Variants in USP50 observed in about 807,000 individuals in gnomAD.
USP50 encodes the protein ubiquitin specific peptidase 50, also known as ubiquitin carboxyl-terminal hydrolase 50.
In USP50, 37 loss-of-function variants were observed where a neutral mutation model predicts 39.2. That is an observed-to-expected ratio of 0.94 (90% CI 0.73 to 1.24). USP50 has a LOEUF of 1.24. USP50 is among the 50% of genes most tolerant of loss of function. The pLI is 0.00. For synonymous variants in USP50, 139 were observed against 144.5 expected, an observed-to-expected ratio of 0.96 and a Z score of 0.27; for missense variants, 374 against 398.2, an observed-to-expected ratio of 0.94 and a Z score of 0.52.
chr15:50,533,763 G>A (rs1300728087), intron 5 of USP50, among the ~76,000 whole-genome samples: 3 of 152,196 alleles, frequency 2.0e-5, no homozygotes, highest in Admixed American at 2.0e-4. Flanking sequence ...TACTTTGGGA[G>A]GCCAAGGCAG....
At chr15:50,532,448 G>A (rs1474831801) in intron 5 of USP50, among the ~76,000 whole-genome samples, 2 of 152,058 alleles carry the variant, frequency 1.3e-5, no homozygotes, top group African/African-American at 4.8e-5. Flanking sequence ...TGTGAAGTTC[G>A]TAGTCTGGAG....
At chr15:50,523,442 G>A (rs2052866781) in intron 6 of USP50, among the ~76,000 whole-genome samples, 2 of 151,670 alleles carry the variant, frequency 1.3e-5, no homozygotes. Flanking sequence ...CAAAGCGCTG[G>A]GATTACAGGT....
intron 6 of USP50, among the ~76,000 whole-genome samples, chr15:50,529,371 G>C: frequency 6.8e-6 from 1 of 147,714 alleles, no homozygotes; most frequent in Admixed American, 6.9e-5. Context: ...AAAAAAAATT[G>C]GTGGCACATG....
At chr15:50,524,283 A>T (rs902427598) in intron 6 of USP50, among the ~76,000 whole-genome samples, 2 of 152,270 alleles carry the variant, frequency 1.3e-5, no homozygotes, top group African/African-American at 4.8e-5. Context: ...GAATTGCATC[A>T]AATGTAAAAG....
At chr15:50,495,992 C>G (rs1335914513), downstream of USP50, 3 of 1,613,882 alleles carry the variant, frequency 1.9e-6, no homozygotes, top group Non-Finnish European at 2.5e-6. Context: ...ATCTACAGTA[C>G]AGTGCCTCAC....
chr15:50,513,205 T>C (rs1024618242), intron 6 of USP50: 1 of 152,168 alleles, frequency 6.6e-6, no homozygotes, highest in African/African-American at 2.4e-5. Flanking sequence ...ACCTCACTCC[T>C]AAGTATATAC....
chr15:50,495,017 TAAA>T (rs34381291), intron 1 of USP50, among the ~76,000 whole-genome samples: 3 of 113,498 alleles, frequency 2.6e-5, no homozygotes, highest in Admixed American at 9.2e-5. Context: ...AGACTCTTTC[TAAA>T]AAAAAAAAAA....
At chr15:50,537,173 T>C (rs1379722345) in intron 5 of USP50, among the ~76,000 whole-genome samples, 1 of 150,594 alleles carries the variant, frequency 6.6e-6, no homozygotes, top group African/African-American at 2.4e-5. Context: ...GGAACAAAGG[T>C]AATACAATGG....
chr15:50,523,198 A>G (rs1266141516), intron 6 of USP50, among the ~76,000 whole-genome samples: 4 of 57,904 alleles, frequency 6.9e-5, no homozygotes, highest in Non-Finnish European at 1.4e-4. Flanking sequence ...TTTTTTGGTG[A>G]GACAGGGTCT....
rs772757927 is a variant in USP50, at chr15:50,529,895, T to C, written c.838A>G (p.Arg280Gly). 1 of 1,613,924 alleles carries C rather than the reference T, an allele frequency of 6.2e-7. No individual in the cohort carries two copies. Among genetic ancestry groups the C allele is most frequent in the Non-Finnish European group, 8.5e-7 (1 of 1,179,896 alleles). Reference protein sequence around the residue: ...DIQGTTKRKLRTDIHYPLTNL... With the variant: ...DIQGTTKRKLGTDIHYPLTNL... ...GTGAGTGGGTAATGAATATCCGTTC[T>C]CAGCTTCCTTTTTGTTGTACCCTGA... The change falls in exon 6 of 7, where the codon AGA becomes GGA. Residue 280 changes from arginine (R) to glycine (G), a missense_variant. By Grantham distance (125) the Arg-to-Gly change is moderately radical. Transcript: ENST00000532404.
chr15:50,521,228 G>T (rs1209772261), intron 6 of USP50, among the ~76,000 whole-genome samples: 1 of 152,072 alleles, frequency 6.6e-6, no homozygotes, highest in African/African-American at 2.4e-5. Flanking sequence ...TTTTAGTAGA[G>T]ATGGGGTTTC....
chr15:50,524,487 C>G (rs2052873020), intron 6 of USP50, among the ~76,000 whole-genome samples: 1 of 152,116 alleles, frequency 6.6e-6, no homozygotes, highest in African/African-American at 2.4e-5. Flanking sequence ...TCAAGACATA[C>G]AAATGTCCAG....
downstream of USP50, chr15:50,497,273 G>A: frequency 6.4e-7 from 1 of 1,558,726 alleles, no homozygotes; most frequent in Middle Eastern, 1.7e-4. Flanking sequence ...GAAATTAAAT[G>A]AGGGAATTTT....
chr15:50,531,563 GAT>G (rs1182333918), intron 5 of USP50, among the ~76,000 whole-genome samples: 1 of 152,142 alleles, frequency 6.6e-6, no homozygotes, highest in Admixed American at 6.5e-5. Flanking sequence ...AGGAGCATGA[GAT>G]AACTTTTTGG....
chr15:50,515,542 T>C (rs1470712407), intron 6 of USP50, among the ~76,000 whole-genome samples: 1 of 151,906 alleles, frequency 6.6e-6, no homozygotes, highest in Non-Finnish European at 1.5e-5. Context: ...ACACCCAGAC[T>C]ATGAGGCTTA....
intron 1 of USP50, chr15:50,494,380 G>C: frequency 1.0e-6 from 1 of 997,578 alleles, no homozygotes; most frequent in Non-Finnish European, 1.5e-6. Context: ...TGATAGTTCA[G>C]TGCTTGTTTA....
rs1409250641 is a variant in USP50 at position 50,500,617 on chromosome 15, T to C, written c.*152A>G. 8.0e-6 allele frequency: 5 copies of C among 625,360 alleles called. No homozygotes were observed. In the Admixed American group the frequency reaches 1.5e-4, roughly 18 times the overall value. 38.7% of individuals were successfully genotyped at this position (625,360 alleles called of 1,614,324 possible). A position where few individuals can be genotyped will look rare whatever the true frequency, so the allele number is the denominator to read the frequency against. ...ACTCTACCACCAGATGCTGACTGCT[T>C]GTTTTGCAGTGTTCAGGAAACACCA... On this transcript the variant is annotated 3_prime_UTR_variant, in exon 7 of 7. Coordinates refer to ENST00000532404, the MANE Select transcript of USP50 (RefSeq NM_203494.5).
chr15:50,541,030 A>T lies in USP50; in HGVS notation c.660+19T>A. 1.3e-6 allele frequency: 2 copies of T among 1,595,410 alleles called. No homozygotes were observed. The highest frequency in any genetic ancestry group is 1.7e-6 in the Non-Finnish European group (2 of 1,163,390). ...GAGAGTATAGCGAGACAAAGTGTCC[A>T]GGAATACTGCATTCCTACCCGAAGG... On this transcript the variant is annotated intron_variant, in intron 4 of 6. Transcript: ENST00000532404.
At chr15:50,499,135 A>ACAACT (rs1372991677), downstream of USP50, 13 of 1,512,814 alleles carry the variant, frequency 8.6e-6, no homozygotes, top group Admixed American at 2.1e-5. Context: ...GCTCAGCAAC[A>ACAACT]CAACTCTTGA....
Sources: gnomAD v4.1 joint callset for allele counts (sites outside exome capture counted in the v4.1 genomes callset) on GRCh38, gnomAD v4.1.1 for gene constraint, MANE v1.5 for transcripts, NCBI Gene and HGNC (gene_info 2026-07-23, HGNC 2026-07-21) for gene names.